The following ZYG11A variants were observed in gnomAD, a reference collection of about 807,000 sequenced individuals.
ZYG11A encodes protein zyg-11 homolog A.
Under a neutral mutation model 77.2 loss-of-function variants are expected in ZYG11A, and 62 were observed. The observed-to-expected ratio is 0.80, with a 90% CI of 0.65 to 0.99. ZYG11A has a LOEUF of 0.99. Among genes scored for constraint, ZYG11A ranks in the 50% least tolerant of loss-of-function variants. The pLI, the probability that ZYG11A is intolerant of heterozygous loss-of-function variation, is 0.00. For synonymous variants in ZYG11A, 315 were observed against 324.6 expected (o/e 0.97, Z 0.32); for missense variants, 828 against 896.8 (o/e 0.92, Z 0.98).
At chr1:52,883,773 G>C (rs1002072700) in intron 11 of ZYG11A, among the ~76,000 whole-genome samples, 10 of 152,172 alleles carry the variant, frequency 6.6e-5, no homozygotes, top group Admixed American at 2.0e-4. Flanking sequence ...TTTCCTGCAA[G>C]TTGCTTTTTT....
intron 1 of ZYG11A, among the ~76,000 whole-genome samples, chr1:52,843,782 G>T (rs957112349): frequency 4.0e-5 from 6 of 151,774 alleles, no homozygotes; most frequent in African/African-American, 4.8e-5. Context: ...CGCCTCCGGG[G>T]TTCAAGCGAT....
chr1:52,853,416 TAATC>T (rs1269932860), intron 1 of ZYG11A, among the ~76,000 whole-genome samples: 1 of 152,224 alleles, frequency 6.6e-6, no homozygotes, highest in Non-Finnish European at 1.5e-5. Flanking sequence ...AGACACATGA[TAATC>T]AATGAATACA....
chr1:52,864,155 CA>C lies in ZYG11A; in HGVS notation c.1325del (p.Gln442ArgfsTer10), dbSNP rs901089199. ...KALKNFPHYQQLQKNCLLSLT... is the reference protein window; with the variant it reads ...KALKNFPHYQXLQKNCLLSLT... ...TCTGAAAAATTTCCCCCATTACCAG[CA>C]GGTAATTTCAATTGAATATTTGTTT... On this transcript the variant is annotated frameshift_variant and splice_region_variant, in exon 5 of 14. Transcript: ENST00000371528. LOFTEE classifies it high-confidence loss of function. 8 of 1,550,866 alleles carry C rather than the reference CA, an allele frequency of 5.2e-6. No homozygotes were observed. The African/African-American group carries it at 9.6e-5, about 19-fold the overall frequency.
rs772518747 is a variant in ZYG11A, at chr1:52,887,051, A to G, written c.2102A>G (p.Asn701Ser). ...GCTATGTATCATGTCTGCAGTAAAA[A>G]TCGTATGTATTCAACATATATTCAA... ...LWAMYHVCSK[N>S]PSKYCKMLVE... Residue 701 changes from asparagine (N) to serine (S), a missense_variant and splice_region_variant, in exon 13 of 14, where the codon AAT becomes AGT. Coordinates refer to ENST00000371528, the MANE Select transcript of ZYG11A (RefSeq NM_001004339.3). 6 of 1,481,936 alleles carry G rather than the reference A, an allele frequency of 4.0e-6. No individual in the cohort carries two copies. In the East Asian group the frequency reaches 7.4e-5, roughly 18 times the overall value. The allele number at this position is 1,481,936 out of a possible 1,614,324, so 91.8% of individuals were successfully genotyped here.
At chr1:52,862,040 C>T (rs927691068) in intron 4 of ZYG11A, among the ~76,000 whole-genome samples, 1 of 151,866 alleles carries the variant, frequency 6.6e-6, no homozygotes, top group Non-Finnish European at 1.5e-5. Context: ...AGAACCCCGT[C>T]TCTACTAAAA....
At position 52,877,820 on chromosome 1, in the gene ZYG11A, C is replaced by A; in HGVS notation, c.1681C>A (p.Gln561Lys). 6.4e-7 allele frequency: 1 copy of A among 1,551,474 alleles called. No individual in the cohort carries two copies. The highest frequency in any genetic ancestry group is 8.7e-7 in the Non-Finnish European group (1 of 1,146,934). ...GCACTTCATTGAAAATCAAGGATTGCAAATCTTCATCCAAGTCTTGGAGGT... is the reference window on the plus strand; with the variant it reads ...GCACTTCATTGAAAATCAAGGATTGAAAATCTTCATCCAAGTCTTGGAGGT... ...CKHFIENQGL[Q>K]IFIQVLETFS... Residue 561 changes from glutamine (Q) to lysine (K), a missense_variant, in exon 9 of 14, where the codon CAA becomes AAA. Physicochemically the swap from Gln to Lys is moderately conservative, Grantham distance 53. Transcript: ENST00000371528.
chr1:52,853,077 T>C (rs1032249344), intron 1 of ZYG11A, among the ~76,000 whole-genome samples: 2 of 152,240 alleles, frequency 1.3e-5, no homozygotes, highest in African/African-American at 4.8e-5. Context: ...TTGGAGCCCA[T>C]TGACACTTGT....
At position 52,842,796 on chromosome 1, in the gene ZYG11A, T is replaced by C. The variant is rs1645471127; in HGVS notation, c.-88T>C. 7.6e-7 allele frequency: 1 copy of C among 1,315,838 alleles called. No homozygotes were observed. The highest frequency in any genetic ancestry group is 1.6e-5 in the African/African-American group (1 of 64,292). 81.5% of individuals were successfully genotyped at this position (1,315,838 alleles called of 1,614,324 possible). The stretch of plus-strand genomic sequence containing the variant: ...GTGCCTCGCAGGCGTGGTGGGCGCG[T>C]CCTGGCAGCCGCCCGCTTGGTTCTC... On this transcript the variant is annotated 5_prime_UTR_variant, in exon 1 of 14. Coordinates refer to ENST00000371528, the MANE Select transcript of ZYG11A (RefSeq NM_001004339.3).
At chr1:52,875,272 C>G (rs1051685396) in intron 8 of ZYG11A, among the ~76,000 whole-genome samples, 1 of 152,074 alleles carries the variant, frequency 6.6e-6, no homozygotes, top group African/African-American at 2.4e-5. Flanking sequence ...CAGGCCAAAA[C>G]CTGATTGGAA....
In ZYG11A at chr1:52,877,699, A is replaced by G; in HGVS notation, c.1560A>G (p.Val520=). Residue 520 remains valine (V), a synonymous_variant, in exon 9 of 14, where the codon GTA becomes GTG. Transcript: ENST00000371528. The stretch of plus-strand genomic sequence containing the variant: ...GTTTTTAGGAACTTCTAGCAATAGT[A>G]AAACAAAAGACTACTGAGAATTTAG... ...FMAVKELLAI[V]KQKTTENLDD... 1 of 1,549,232 alleles carries G rather than the reference A, an allele frequency of 6.5e-7. No homozygotes were observed. The highest frequency in any genetic ancestry group is 1.2e-5 in the South Asian group (1 of 83,222).
chr1:52,875,492 C>T (rs1468110091), intron 8 of ZYG11A, among the ~76,000 whole-genome samples: 1 of 152,160 alleles, frequency 6.6e-6, no homozygotes, highest in East Asian at 1.9e-4. Flanking sequence ...TCAGTATGTG[C>T]AGAAATTGAG....
At chr1:52,879,267 T>A (rs186387661) in intron 10 of ZYG11A, among the ~76,000 whole-genome samples, 53 of 152,302 alleles carry the variant, frequency 3.5e-4, no homozygotes, top group Non-Finnish European at 6.5e-4. Flanking sequence ...GTGATGGTGC[T>A]CATAACTTTG....
At chr1:52,871,185 T>C (rs2150009816) in intron 8 of ZYG11A, among the ~76,000 whole-genome samples, 1 of 152,286 alleles carries the variant, frequency 6.6e-6, no homozygotes, top group East Asian at 1.9e-4. Context: ...CTGAAGCTGG[T>C]GTGTAGTGGC....
intron 1 of ZYG11A, among the ~76,000 whole-genome samples, chr1:52,844,274 G>A (rs1374564270): frequency 2.0e-5 from 3 of 152,186 alleles, no homozygotes; most frequent in Non-Finnish European, 4.4e-5. Flanking sequence ...CGCCTTGTTG[G>A]AAGACTTTGT....
intron 8 of ZYG11A, among the ~76,000 whole-genome samples, chr1:52,871,589 C>A (rs1433937522): frequency 6.6e-6 from 1 of 151,548 alleles, no homozygotes; most frequent in African/African-American, 2.4e-5. Context: ...CTCTGTCTCC[C>A]GGGTTCAAGC....
chr1:52,871,997 ATC>A, intron 8 of ZYG11A, among the ~76,000 whole-genome samples: 1 of 152,324 alleles, frequency 6.6e-6, no homozygotes, highest in East Asian at 1.9e-4. Context: ...AGTATTTAAT[ATC>A]AAGTATTAGG....
chr1:52,852,375 T>TG (rs1413738104), intron 1 of ZYG11A, among the ~76,000 whole-genome samples: 1 of 151,354 alleles, frequency 6.6e-6, no homozygotes, highest in East Asian at 1.9e-4. Context: ...CAAATTTTTT[T>TG]TTTTTTTTTT....
chr1:52,871,765 T>A (rs1231410731), intron 8 of ZYG11A, among the ~76,000 whole-genome samples: 1 of 152,230 alleles, frequency 6.6e-6, no homozygotes, highest in African/African-American at 2.4e-5. Flanking sequence ...CTTATCTATT[T>A]GTTGTTTCTG....
intron 8 of ZYG11A, among the ~76,000 whole-genome samples, chr1:52,875,753 A>T (rs368116393): frequency 6.2e-5 from 9 of 145,784 alleles, no homozygotes; most frequent in East Asian, 2.0e-4. Context: ...TAGAATAAAG[A>T]TGTTTGCTTT....
Sources: gnomAD v4.1 joint callset for allele counts (sites outside exome capture counted in the v4.1 genomes callset) on GRCh38, gnomAD v4.1.1 for gene constraint, MANE v1.5 for transcripts, NCBI Gene and HGNC (gene_info 2026-07-23, HGNC 2026-07-21) for gene names.